PDE1C: variants seen among roughly 807,000 people sequenced by gnomAD.
PDE1C encodes the protein dual specificity calcium/calmodulin-dependent 3',5'-cyclic nucleotide phosphodiesterase 1C.
A neutral mutation model predicts 93.1 loss-of-function variants in PDE1C; 62 were observed. The ratio of observed to expected loss-of-function variants is 0.67; its 90% confidence interval spans 0.54 to 0.82. PDE1C has a LOEUF of 0.82. Among genes scored for constraint, PDE1C ranks in the 40% least tolerant of loss-of-function variants. The probability of loss-of-function intolerance (pLI) is 0.00; values close to 1 mark genes in which losing one functional copy is unlikely to be tolerated. For synonymous variants in PDE1C, 325 were observed against 310.1 expected, an observed-to-expected ratio of 1.05 and a Z score of -0.50; for missense variants, 742 against 884.6, an observed-to-expected ratio of 0.84 and a Z score of 2.04.
At chr7:32,173,836 A>T (rs1802809153) in intron 2 of PDE1C, among the ~76,000 whole-genome samples, 1 of 152,144 alleles carries the variant, frequency 6.6e-6, no homozygotes, top group Admixed American at 6.5e-5. Flanking sequence ...AGAACCTCAC[A>T]CACAAGAGGG....
At chr7:31,688,586 G>T in the PDE1C span, among the ~76,000 whole-genome samples, 2 of 152,318 alleles carry the variant, frequency 1.3e-5, no homozygotes, top group Middle Eastern at 6.8e-3. Context: ...CAAAAGAGAA[G>T]GTGACCTTTG....
chr7:32,371,727 A>G (rs1784338475), intron 1 of PDE1C, among the ~76,000 whole-genome samples: 1 of 152,242 alleles, frequency 6.6e-6, no homozygotes, highest in Admixed American at 6.5e-5. Flanking sequence ...AAAACATTCT[A>G]TGTTCATGGA....
intron 2 of PDE1C, among the ~76,000 whole-genome samples, chr7:31,985,585 C>T (rs947879610): frequency 4.6e-5 from 7 of 151,972 alleles, no homozygotes; most frequent in Admixed American, 1.3e-4. Context: ...CCCCAGCCCC[C>T]GACAGGTCCC....
chr7:32,342,714 G>T (rs961936678), intron 1 of PDE1C, among the ~76,000 whole-genome samples: 1 of 152,038 alleles, frequency 6.6e-6, no homozygotes, highest in African/African-American at 2.4e-5. Context: ...GGCAAGTGAG[G>T]CCTCTTTGTA....
intron 1 of PDE1C, among the ~76,000 whole-genome samples, chr7:32,342,811 T>C (rs573893730): frequency 6.6e-6 from 1 of 152,336 alleles, no homozygotes; most frequent in East Asian, 1.9e-4. Context: ...AAACATGCAG[T>C]ATTTTCAATA....
At chr7:32,318,639 C>G (rs765792692) in intron 1 of PDE1C, among the ~76,000 whole-genome samples, 4 of 152,196 alleles carry the variant, frequency 2.6e-5, no homozygotes, top group Non-Finnish European at 5.9e-5. Context: ...GTCTTTTCAC[C>G]AGGACGCAGG....
intron 2 of PDE1C, among the ~76,000 whole-genome samples, chr7:32,206,549 C>G (rs1805549566): frequency 6.6e-6 from 1 of 152,190 alleles, no homozygotes; most frequent in Non-Finnish European, 1.5e-5. Context: ...TCAGGAGCCA[C>G]AGTGGGTTCC....
intron 2 of PDE1C, among the ~76,000 whole-genome samples, chr7:31,998,767 T>G (rs1785086336): frequency 6.6e-6 from 1 of 152,206 alleles, no homozygotes; most frequent in South Asian, 2.1e-4. Context: ...AACCAAAATT[T>G]ATTTCCACAG....
chr7:32,382,861 C>T (rs1784559031), intron 1 of PDE1C, among the ~76,000 whole-genome samples: 1 of 152,228 alleles, frequency 6.6e-6, no homozygotes, highest in Non-Finnish European at 1.5e-5. Context: ...CTACTCCTTG[C>T]TCACTGTCGC....
At chr7:31,854,142 G>A (rs963408676) in intron 7 of PDE1C, among the ~76,000 whole-genome samples, 1 of 152,110 alleles carries the variant, frequency 6.6e-6, no homozygotes, top group Non-Finnish European at 1.5e-5. Flanking sequence ...GACCAGATGA[G>A]GTTGCAGTTA....
chr7:32,344,346 G>C (rs1783811683), intron 1 of PDE1C, among the ~76,000 whole-genome samples: 1 of 152,148 alleles, frequency 6.6e-6, no homozygotes, highest in Non-Finnish European at 1.5e-5. Context: ...AAAGTGCTGG[G>C]ATTACAGGCA....
intron 1 of PDE1C, among the ~76,000 whole-genome samples, chr7:32,427,382 A>G (rs1186771051): frequency 6.6e-6 from 1 of 152,098 alleles, no homozygotes; most frequent in Admixed American, 6.6e-5. Context: ...ATCCTATGTT[A>G]TCTACCCTAA....
At position 32,208,347 on chromosome 7, in the gene PDE1C, G is replaced by T. The variant is rs1045415071; in HGVS notation, c.136+1142C>A. On this transcript the variant is annotated intron_variant, in intron 2 of 18. Coordinates refer to the PDE1C transcript ENST00000396193. ...GTCAACCCTGCATGAGGAATGCAGT[G>T]ACTAGGGATTTATAGAGTTCCTCCC... Among the ~76,000 whole-genome samples, 3 of 152,258 alleles carry T rather than the reference G, an allele frequency of 2.0e-5. No homozygotes were observed. The South Asian group carries it at 6.2e-4, about 32-fold the overall frequency.
chr7:31,769,810 T>C (rs887907175), intron 17 of PDE1C, among the ~76,000 whole-genome samples: 1 of 152,216 alleles, frequency 6.6e-6, no homozygotes, highest in African/African-American at 2.4e-5. Context: ...ACTTTCTGTC[T>C]CTATGGATTA....
intron 17 of PDE1C, among the ~76,000 whole-genome samples, chr7:31,756,373 C>A (rs1033446954): frequency 3.9e-5 from 6 of 151,962 alleles, no homozygotes; most frequent in Admixed American, 6.6e-5. Flanking sequence ...AAATAAATTC[C>A]AATTGAGAGA....
the PDE1C span, among the ~76,000 whole-genome samples, chr7:31,636,897 G>A: frequency 2.3e-4 from 13 of 56,618 alleles, no homozygotes; most frequent in South Asian, 5.2e-4. Context: ...CCCCCCACCC[G>A]ACAACAGTCC....
chr7:32,413,178 G>A (rs958256994), intron 1 of PDE1C, among the ~76,000 whole-genome samples: 2 of 152,056 alleles, frequency 1.3e-5, no homozygotes, highest in Non-Finnish European at 2.9e-5. Flanking sequence ...CTTACGTAGG[G>A]GGGAATGCAT....
rs57467525 is a variant in PDE1C at position 31,901,135 on chromosome 7, C to CA, written c.129-20276dup. Among the ~76,000 whole-genome samples the CA allele has an allele frequency of 9.3e-3, 1,198 of 128,660 alleles. 9 individuals carry two copies. The highest frequency in any genetic ancestry group is 0.044 in the Middle Eastern group (10 of 228). 84.4% of individuals were successfully genotyped at this position (128,660 alleles called of 152,430 possible). Reference sequence around the variant, plus strand: ...GGATGCCCTCTAGTAGCATTATTTACAAAAAAAAAAAAAAATGGTTACGAA... The same window carrying CA: ...GGATGCCCTCTAGTAGCATTATTTACAAAAAAAAAAAAAAAATGGTTACGAA... On this transcript the variant is annotated intron_variant, in intron 2 of 17. Transcript: ENST00000396191.
chr7:31,866,787 T>C (rs556503875), intron 6 of PDE1C, among the ~76,000 whole-genome samples: 1 of 152,108 alleles, frequency 6.6e-6, no homozygotes, highest in Non-Finnish European at 1.5e-5. Flanking sequence ...GGAGAGGCTA[T>C]CTCTCCAGCG....
Sources: allele counts gnomAD v4.1 joint callset (sites outside exome capture counted in the v4.1 genomes callset), GRCh38; gene constraint gnomAD v4.1.1; transcripts MANE v1.5; gene names NCBI Gene and HGNC (gene_info 2026-07-23, HGNC 2026-07-21).